SCARB1: variants seen among roughly 807,000 people sequenced by gnomAD.
The protein encoded by SCARB1 is CD36 and LIMPII analogous 1.
SCARB1 carries 30 observed loss-of-function variants against 57.2 expected under a neutral mutation model. The observed-to-expected ratio is 0.52, with a 90% confidence interval of 0.39 to 0.71. The LOEUF (loss-of-function observed/expected upper bound fraction) is 0.71. Among genes scored for constraint, SCARB1 ranks in the 30% least tolerant of loss-of-function variants. The probability of loss-of-function intolerance (pLI) is 0.00; values close to 1 mark genes in which losing one functional copy is unlikely to be tolerated. For synonymous variants in SCARB1, 249 were observed against 268.3 expected, an observed-to-expected ratio of 0.93 and a Z score of 0.70; for missense variants, 543 against 671.2, an observed-to-expected ratio of 0.81 and a Z score of 2.11.
chr12:124,844,715 T>TG lies in SCARB1; in HGVS notation c.126+18879dup, dbSNP rs1952069529. On this transcript the variant is annotated intron_variant, in intron 1 of 12. Transcript: ENST00000261693. The stretch of plus-strand genomic sequence containing the variant: ...GAGGGGTCTCCGGAGAAGCCAGCCC[T>TG]GCCAACATCCTGATCTCAGACTTCC... Among the ~76,000 whole-genome samples, 3 of 152,102 alleles carry TG rather than the reference T, an allele frequency of 2.0e-5. No homozygotes were observed. In the South Asian group the frequency reaches 6.3e-4, roughly 32 times the overall value.
rs914004960 is a variant in SCARB1, at chr12:124,817,243, C to A, written c.284+307G>T. 2.7e-5 allele frequency among the ~76,000 whole-genome samples: 4 copies of A among 149,998 alleles called. No individual in the cohort carries two copies. In the East Asian group the frequency reaches 8.0e-4, roughly 30 times the overall value. On this transcript the variant is annotated intron_variant, in intron 2 of 12. Coordinates refer to ENST00000261693, the MANE Select transcript of SCARB1 (RefSeq NM_005505.5). This position sits in a 1 kb window ranked among gnomAD's most constrained non-coding sequence, Gnocchi z 4.8. ...CTCCATAAAGAACCTCTCTAGGCAA[C>A]GTCTGGTGATTCGCACCTGTAATCC...
chr12:124,836,021 GCATT>G lies in SCARB1; in HGVS notation c.127-18318_127-18315del, dbSNP rs771635903. Among the ~76,000 whole-genome samples the G allele has an allele frequency of 6.5e-4, 99 of 152,290 alleles. 1 individual carries two copies. Among genetic ancestry groups the G allele is most frequent in the African/African-American group, 2.2e-3 (93 of 41,566 alleles). On this transcript the variant is annotated intron_variant, in intron 1 of 12. Coordinates refer to ENST00000261693, the MANE Select transcript of SCARB1 (RefSeq NM_005505.5). ...TATAGTAACACACGATGAGAACGTG[GCATT>G]CATTCATTCATTCATTCACTCAGTC...
chr12:124,780,121 T>TC (rs1284370922), intron 12 of SCARB1, among the ~76,000 whole-genome samples: 1 of 152,128 alleles, frequency 6.6e-6, no homozygotes, highest in East Asian at 1.9e-4. Flanking sequence ...CCCCTCCTCC[T>TC]CCTCCTCTTT....
At chr12:124,803,036 G>C (rs1486394771) in intron 7 of SCARB1, among the ~76,000 whole-genome samples, 1 of 152,370 alleles carries the variant, frequency 6.6e-6, no homozygotes, top group East Asian at 1.9e-4. Flanking sequence ...CAGCAACGGA[G>C]AGGAGGGGCT....
chr12:124,838,754 C>T (rs1951792597), intron 1 of SCARB1, among the ~76,000 whole-genome samples: 1 of 145,004 alleles, frequency 6.9e-6, no homozygotes, highest in East Asian at 2.1e-4. Context: ...TTGGGGTAAA[C>T]ATAAAATTTA....
intron 6 of SCARB1, among the ~76,000 whole-genome samples, chr12:124,808,203 C>T (rs996404530): frequency 1.3e-5 from 2 of 152,208 alleles, no homozygotes; most frequent in Admixed American, 1.3e-4. Context: ...CACCTGTAAT[C>T]CCAGCACTTT....
Position 124,814,510 on chromosome 12 carries a change from G to A in SCARB1, c.427-105C>T. On this transcript the variant is annotated intron_variant, in intron 3 of 12. Coordinates refer to ENST00000261693, the MANE Select transcript of SCARB1 (RefSeq NM_005505.5). The surrounding 1 kb of genome is among the most constrained non-coding windows in gnomAD (Gnocchi z 4.7). ...CAAAGAGCCCATGAAGGGAAATGCTGGGGTGCAGGAGGCCCCTGGAGTGGC... is the reference window on the plus strand; with the variant it reads ...CAAAGAGCCCATGAAGGGAAATGCTAGGGTGCAGGAGGCCCCTGGAGTGGC... 1 of 1,268,928 alleles carries A rather than the reference G, an allele frequency of 7.9e-7. No individual in the cohort carries two copies. The highest frequency in any genetic ancestry group is 1.1e-6 in the Non-Finnish European group (1 of 881,720). The allele number at this position is 1,268,928 out of a possible 1,614,324, so 78.6% of individuals were successfully genotyped here. A position where few individuals can be genotyped will look rare whatever the true frequency, so the allele number is the denominator to read the frequency against.
chr12:124,825,972 C>CA (rs1040738333), intron 1 of SCARB1, among the ~76,000 whole-genome samples: 1 of 151,986 alleles, frequency 6.6e-6, no homozygotes, highest in African/African-American at 2.4e-5. Flanking sequence ...CTGGAGGTTG[C>CA]ATGCACAACA....
intron 11 of SCARB1, chr12:124,786,115 C>A: frequency 6.5e-7 from 1 of 1,536,706 alleles, no homozygotes; most frequent in Non-Finnish European, 8.7e-7. Flanking sequence ...ACCTGTGCCC[C>A]CTCCAAGGGA....
At position 124,817,681 on chromosome 12, in the gene SCARB1, C is replaced by T. The variant is rs774727159; in HGVS notation, c.153G>A (p.Leu51=). The T allele has an allele frequency of 1.2e-6, 2 of 1,614,142 alleles. No homozygotes were observed. Among genetic ancestry groups the T allele is most frequent in the South Asian group, 1.1e-5 (1 of 91,084 alleles). ...LKNVRIDPSS[L]SFNMWKEIPI... ...GGATCTCCTTCCACATGTTGAAGGA[C>T]AGGCTACTGGGGTCGATGCGCACGT... Residue 51 remains leucine, a synonymous_variant, in exon 2 of 13, where the codon CTG becomes CTA. Coordinates refer to ENST00000261693, the MANE Select transcript of SCARB1 (RefSeq NM_005505.5). The surrounding 1 kb of genome is among the most constrained non-coding windows in gnomAD (Gnocchi z 4.8).
In SCARB1 at chr12:124,814,259, G is replaced by C; in HGVS notation, c.573C>G (p.Ile191Met). The C allele has an allele frequency of 6.2e-7, 1 of 1,614,208 alleles. No individual in the cohort carries two copies. Among genetic ancestry groups the C allele is most frequent in the South Asian group, 1.1e-5 (1 of 91,084 alleles). ...GGAACATGCCTGGAAAGTACTTGTT[G>C]ATGAGATTCACAAGGGGGTCCTTGT... ...WGYKDPLVNL[I>M]NKYFPGMFPF... The change falls in exon 4 of 13, where the codon ATC becomes ATG. Residue 191 changes from isoleucine (I) to methionine (M), a missense_variant. Transcript: ENST00000261693. The surrounding 1 kb of genome is among the most constrained non-coding windows in gnomAD (Gnocchi z 4.7).
rs1872558107 is a variant in SCARB1, at chr12:124,777,144, A to G, written c.*1443T>C. 1 of 152,130 alleles carries G rather than the reference A, an allele frequency of 6.6e-6. No individual in the cohort carries two copies. Among genetic ancestry groups the G allele is most frequent in the African/African-American group, 2.4e-5 (1 of 41,430 alleles). The allele number at this position is 152,130 out of a possible 1,614,324, so 9.4% of individuals were successfully genotyped here. On this transcript the variant is annotated 3_prime_UTR_variant, in exon 13 of 13. Transcript: ENST00000261693. ...TATTCAAACATCAACGATGATGACAATCGGAGAAAATTCCATCCTTTGCAA... is the reference window on the plus strand; with the variant it reads ...TATTCAAACATCAACGATGATGACAGTCGGAGAAAATTCCATCCTTTGCAA...
At chr12:124,826,333 A>C (rs1951161811) in intron 1 of SCARB1, among the ~76,000 whole-genome samples, 1 of 150,320 alleles carries the variant, frequency 6.7e-6, no homozygotes, top group Admixed American at 6.6e-5. Context: ...CCTGTCTCAA[A>C]AAAAAAAAAA....
chr12:124,802,349 A>C (rs562085809), intron 7 of SCARB1, among the ~76,000 whole-genome samples: 1 of 152,248 alleles, frequency 6.6e-6, no homozygotes, highest in East Asian at 1.9e-4. Flanking sequence ...CTTCTCCTGC[A>C]GGTGATGGCA....
intron 1 of SCARB1, among the ~76,000 whole-genome samples, chr12:124,847,212 G>T (rs1952200269): frequency 6.6e-6 from 1 of 152,226 alleles, no homozygotes; most frequent in African/African-American, 2.4e-5. Context: ...CAAAGCGAGG[G>T]GTTGCAGCAG....
chr12:124,796,918 G>T lies in SCARB1; in HGVS notation c.1129-1650C>A, dbSNP rs1271888449. On this transcript the variant is annotated intron_variant, in intron 8 of 12. Coordinates refer to ENST00000261693, the MANE Select transcript of SCARB1 (RefSeq NM_005505.5). This position sits in a 1 kb window ranked among gnomAD's most constrained non-coding sequence, Gnocchi z 4.0. The stretch of plus-strand genomic sequence containing the variant: ...ATCTGGGAACCCAGATTTCAGGAGG[G>T]TCCCCACCATCCCCTAACTGATGAG... Among the ~76,000 whole-genome samples, 1 of 152,160 alleles carries T rather than the reference G, an allele frequency of 6.6e-6. No individual in the cohort carries two copies. Among genetic ancestry groups the T allele is most frequent in the Non-Finnish European group, 1.5e-5 (1 of 68,028 alleles).
intron 1 of SCARB1, chr12:124,821,394 C>A: frequency 1.0e-6 from 1 of 985,398 alleles, no homozygotes; most frequent in Non-Finnish European, 1.2e-6. Context: ...CTTTCCTCCT[C>A]CCCTGGCCGC....
At position 124,786,480 on chromosome 12, in the gene SCARB1, A is replaced by C; in HGVS notation, c.1278T>G (p.Thr426=). Residue 426 remains threonine, a synonymous_variant, in exon 11 of 13, where the codon ACT becomes ACG. Coordinates refer to ENST00000261693, the MANE Select transcript of SCARB1 (RefSeq NM_005505.5). ...CCAGCTGAGTGTAGAATGTGTGAAGAGTCTCCCCCTCCATGGCCCCGCTCT... is the reference window on the plus strand; with the variant it reads ...CCAGCTGAGTGTAGAATGTGTGAAGCGTCTCCCCCTCCATGGCCCCGCTCT... The part of the protein sequence containing the change: ...FAESGAMEGE[T]LHTFYTQLVL... 6.2e-7 allele frequency: 1 copy of C among 1,614,058 alleles called. No homozygotes were observed. Among genetic ancestry groups the C allele is most frequent in the Non-Finnish European group, 8.5e-7 (1 of 1,180,022 alleles).
intron 1 of SCARB1, among the ~76,000 whole-genome samples, chr12:124,837,435 G>C (rs1951693864): frequency 6.9e-6 from 1 of 144,536 alleles, no homozygotes; most frequent in Non-Finnish European, 1.5e-5. Flanking sequence ...GGAAGAAAGG[G>C]AAGAAAGAAA....
Sources: allele counts gnomAD v4.1 joint callset (sites outside exome capture counted in the v4.1 genomes callset), GRCh38; gene constraint gnomAD v4.1.1; non-coding constraint Gnocchi (gnomAD v3.1); transcripts MANE v1.5; gene names NCBI Gene and HGNC (gene_info 2026-07-23, HGNC 2026-07-21).